Variants in DPYD observed in about 807,000 individuals in gnomAD.
The protein encoded by DPYD is dihydropyrimidine dehydrogenase.
A neutral mutation model predicts 116.2 loss-of-function variants in DPYD; 109 were observed. The ratio of observed to expected loss-of-function variants is 0.94; its 90% confidence interval spans 0.80 to 1.10. The LOEUF is 1.10. Among genes scored for constraint, DPYD ranks in the 50% least tolerant of loss-of-function variants. DPYD has a pLI of 0.00. For missense variants in DPYD, 1,302 were observed against 1,254.5 expected, an observed-to-expected ratio of 1.04 and a Z score of -0.57; for synonymous variants, 440 against 432.0, an observed-to-expected ratio of 1.02 and a Z score of -0.23.
At chr1:97,515,316 C>T (rs2027250) in intron 13 of DPYD, among the ~76,000 whole-genome samples, 93,776 of 151,648 alleles carry the variant, frequency 0.62, 29,142 homozygotes, top group East Asian at 0.75. Context: ...TCTATCTTAT[C>T]ACCAATACCA....
At chr1:97,742,104 A>G (rs563907851) in intron 3 of DPYD, among the ~76,000 whole-genome samples, 2 of 152,224 alleles carry the variant, frequency 1.3e-5, no homozygotes, top group East Asian at 3.9e-4. Flanking sequence ...ACAGACAACT[A>G]AAGAAAATAT....
intron 18 of DPYD, among the ~76,000 whole-genome samples, chr1:97,245,545 G>A (rs1275898765): frequency 1.3e-5 from 2 of 152,088 alleles, no homozygotes; most frequent in Non-Finnish European, 2.9e-5. Context: ...GATGTCCAGA[G>A]CAAATGTTAC....
At chr1:97,544,165 G>C (rs1289099726) in intron 12 of DPYD, among the ~76,000 whole-genome samples, 1 of 152,162 alleles carries the variant, frequency 6.6e-6, no homozygotes, top group Non-Finnish European at 1.5e-5. Context: ...GATTTGACAG[G>C]AGAGAAAGTG....
chr1:97,438,148 G>A (rs113465951), intron 14 of DPYD, among the ~76,000 whole-genome samples: 16 of 151,874 alleles, frequency 1.1e-4, no homozygotes, highest in African/African-American at 3.6e-4. Context: ...AACATAGCTC[G>A]GTATCAGAAA....
At chr1:97,183,170 G>T (rs1241561845) in intron 20 of DPYD, among the ~76,000 whole-genome samples, 1 of 151,980 alleles carries the variant, frequency 6.6e-6, no homozygotes, top group African/African-American at 2.4e-5. Context: ...TGAAGGCAAG[G>T]AGTATATGCC....
At chr1:97,583,418 T>G (rs897346816) in intron 10 of DPYD, among the ~76,000 whole-genome samples, 4 of 152,130 alleles carry the variant, frequency 2.6e-5, no homozygotes, top group African/African-American at 9.7e-5. Context: ...CCTATTTTCT[T>G]CATCTTAGGT....
At chr1:97,553,341 A>C (rs917429308) in intron 11 of DPYD, among the ~76,000 whole-genome samples, 2 of 151,978 alleles carry the variant, frequency 1.3e-5, no homozygotes, top group East Asian at 1.9e-4. Flanking sequence ...TCAGTGAAAA[A>C]ATCCACGTGC....
chr1:97,826,985 C>G lies in DPYD; in HGVS notation c.233+1129G>C, dbSNP rs1274214635. On this transcript the variant is annotated intron_variant, in intron 3 of 22. Transcript: ENST00000370192. ...TATCTTTGTGTAGAAGCTACTGTTT[C>G]CATTAAATTTAATTACCTCCCCCTG... Among the ~76,000 whole-genome samples, 4 of 152,004 alleles carry G rather than the reference C, an allele frequency of 2.6e-5. No homozygotes were observed. In the East Asian group the frequency reaches 7.7e-4, roughly 29 times the overall value.
chr1:97,898,834 T>G lies in DPYD; in HGVS notation c.40-15460A>C, dbSNP rs1171432559. ...GGTGGTTCCTCTGCATAAGCTTTCT[T>G]GCCTGCCACCATGTAAGATGTGCCT... On this transcript the variant is annotated intron_variant, in intron 1 of 22. Transcript: ENST00000370192. Among the ~76,000 whole-genome samples the G allele has an allele frequency of 3.9e-5, 6 of 152,084 alleles. No individual in the cohort carries two copies. In the East Asian group the frequency reaches 1.2e-3, roughly 30 times the overall value.
intron 3 of DPYD, among the ~76,000 whole-genome samples, chr1:97,762,050 C>T (rs181216017): frequency 1.3e-5 from 2 of 152,216 alleles, no homozygotes; most frequent in Admixed American, 1.3e-4. Flanking sequence ...AACTACCTAT[C>T]ATGTACTATC....
At chr1:97,819,958 C>G (rs1668831583) in intron 3 of DPYD, among the ~76,000 whole-genome samples, 1 of 152,016 alleles carries the variant, frequency 6.6e-6, no homozygotes, top group African/African-American at 2.4e-5. Flanking sequence ...TACACATGCA[C>G]ACACACAAAT....
At chr1:97,486,749 CTTAT>C (rs1678663494) in intron 13 of DPYD, among the ~76,000 whole-genome samples, 1 of 151,912 alleles carries the variant, frequency 6.6e-6, no homozygotes, top group African/African-American at 2.4e-5. Flanking sequence ...TAGTTTTGTT[CTTAT>C]TTATTATATG....
chr1:97,784,391 G>T (rs1299141450), intron 3 of DPYD, among the ~76,000 whole-genome samples: 2 of 152,162 alleles, frequency 1.3e-5, no homozygotes, highest in African/African-American at 4.8e-5. Context: ...AGCTCTAGGG[G>T]ATATATGAAG....
intron 1 of DPYD, among the ~76,000 whole-genome samples, chr1:97,910,261 AT>A (rs1164756593): frequency 2.0e-5 from 3 of 152,080 alleles, no homozygotes; most frequent in Non-Finnish European, 4.4e-5. Flanking sequence ...TTGTTTGAAA[AT>A]GTGTTTACAA....
intron 16 of DPYD, among the ~76,000 whole-genome samples, chr1:97,336,050 G>A (rs1274265464): frequency 6.6e-6 from 1 of 152,070 alleles, no homozygotes; most frequent in Admixed American, 6.5e-5. Context: ...CAGCTTAATA[G>A]TTTTTCCTTA....
chr1:97,622,526 G>C (rs1257672271), intron 8 of DPYD, among the ~76,000 whole-genome samples: 8 of 151,940 alleles, frequency 5.3e-5, no homozygotes, highest in Non-Finnish European at 8.8e-5. Context: ...ATAGACTCTA[G>C]GTAAAACCGA....
intron 4 of DPYD, among the ~76,000 whole-genome samples, chr1:97,734,258 T>C (rs932590586): frequency 1.3e-5 from 2 of 152,104 alleles, no homozygotes; most frequent in Non-Finnish European, 2.9e-5. Flanking sequence ...AAAAGTAAAG[T>C]CAAAATTATT....
At chr1:97,270,741 C>T (rs935694996) in intron 18 of DPYD, among the ~76,000 whole-genome samples, 1 of 152,150 alleles carries the variant, frequency 6.6e-6, no homozygotes, top group Admixed American at 6.6e-5. Context: ...CAAGAGCCAT[C>T]CTTGCCTATT....
chr1:97,155,192 T>C (rs962732793), intron 20 of DPYD, among the ~76,000 whole-genome samples: 1 of 152,220 alleles, frequency 6.6e-6, no homozygotes, highest in Non-Finnish European at 1.5e-5. Flanking sequence ...GTGTTAATAT[T>C]CAGGACATAT....
Sources: gnomAD v4.1 joint callset for allele counts (sites outside exome capture counted in the v4.1 genomes callset) on GRCh38, gnomAD v4.1.1 for gene constraint, MANE v1.5 for transcripts, NCBI Gene and HGNC (gene_info 2026-07-23, HGNC 2026-07-21) for gene names.